GPT2: variants seen among roughly 807,000 people sequenced by gnomAD.
GPT2 encodes glutamic--pyruvic transaminase 2.
A neutral mutation model predicts 56.9 loss-of-function variants in GPT2; 30 were observed. The ratio of observed to expected loss-of-function variants is 0.53; its 90% CI spans 0.39 to 0.72. The LOEUF (loss-of-function observed/expected upper bound fraction) is 0.72, where lower values mean the gene tolerates loss of function less well. Among genes scored for constraint, GPT2 ranks in the 30% least tolerant of loss-of-function variants. The pLI is 0.00. For missense variants in GPT2, 542 were observed against 703.4 expected (o/e 0.77, Z 2.60); for synonymous variants, 271 against 283.1 (o/e 0.96, Z 0.43).
At chr16:46,902,357 T>A (rs1306743805) in intron 4 of GPT2, among the ~76,000 whole-genome samples, 1 of 152,146 alleles carries the variant, frequency 6.6e-6, no homozygotes, top group Non-Finnish European at 1.5e-5. Context: ...TGTACCCACC[T>A]CCTCGGCTTG....
chr16:46,903,241 C>T (rs1960855836), intron 4 of GPT2, among the ~76,000 whole-genome samples: 1 of 151,556 alleles, frequency 6.6e-6, no homozygotes, highest in Admixed American at 6.6e-5. Context: ...GAGAGTGAAA[C>T]TCTGTCCCCT....
chr16:46,925,151 G>A (rs950996772), intron 10 of GPT2, among the ~76,000 whole-genome samples: 1 of 151,996 alleles, frequency 6.6e-6, no homozygotes, highest in African/African-American at 2.4e-5. Context: ...GGCCTCAAGG[G>A]AACCTCCCAT....
chr16:46,909,323 T>G (rs1159248639), intron 5 of GPT2, among the ~76,000 whole-genome samples: 2 of 152,068 alleles, frequency 1.3e-5, no homozygotes, highest in Non-Finnish European at 2.9e-5. Context: ...ATTTTTAAAT[T>G]TTTAAGTAGG....
chr16:46,918,523 C>T, intron 7 of GPT2, 98 bp from the exon 8 acceptor site: 2 of 1,391,516 alleles, frequency 1.4e-6, no homozygotes, highest in South Asian at 2.6e-5. Flanking sequence ...GGCTGGGCCT[C>T]ATGGCCCACA....
chr16:46,914,824 C>T (rs573165561), intron 6 of GPT2, among the ~76,000 whole-genome samples: 180 of 152,288 alleles, frequency 1.2e-3, no homozygotes, highest in Non-Finnish European at 2.0e-3. Context: ...GTGGCCACAG[C>T]CAATGCGAGT....
intron 6 of GPT2, among the ~76,000 whole-genome samples, chr16:46,913,085 C>T (rs1252470950): frequency 1.3e-5 from 2 of 152,226 alleles, no homozygotes; most frequent in Non-Finnish European, 2.9e-5. Context: ...ATGACATTCC[C>T]TTCTCCTGCG....
Position 46,918,752 on chromosome 16 carries a change from G to A in GPT2, c.1032G>A (p.Met344Ile). 6.2e-7 allele frequency: 1 copy of A among 1,613,898 alleles called. No homozygotes were observed. The highest frequency in any genetic ancestry group is 8.5e-7 in the Non-Finnish European group (1 of 1,179,990). ...ASFHSTSKGY[M>I]GECGYRGGYM... is the part of the protein sequence containing the mutation. ...TCCACTCCACCTCCAAGGGCTACAT[G>A]GGCGAGTACGTGGGCCTCCCTTCCC... The change falls in exon 8 of 12, where the codon ATG (methionine) becomes ATA (isoleucine). Residue 344 changes from methionine to isoleucine, a missense_variant. Met to Ile is a conservative substitution (Grantham distance 10, BLOSUM62 1). Coordinates refer to ENST00000340124, the MANE Select transcript of GPT2 (RefSeq NM_133443.4).
intron 8 of GPT2, among the ~76,000 whole-genome samples, chr16:46,921,425 G>A (rs914289112): frequency 3.9e-5 from 6 of 152,010 alleles, no homozygotes; most frequent in Admixed American, 2.6e-4. Context: ...CGTCCACCTC[G>A]GCCTCCCAAA....
chr16:46,928,473 A>G (rs946577987), intron 11 of GPT2, among the ~76,000 whole-genome samples: 2 of 151,922 alleles, frequency 1.3e-5, no homozygotes, highest in Non-Finnish European at 2.9e-5. Flanking sequence ...AAATACAAAA[A>G]TTAGCTGGGC....
Position 46,929,593 on chromosome 16 carries a change from C to T in GPT2, c.*596C>T, listed in dbSNP as rs373189847. On this transcript the variant is annotated 3_prime_UTR_variant, in exon 12 of 12. Transcript: ENST00000340124. ...AGATGCTGGGGGCTGCGGCCACGGT[C>T]AGAGGGCCCCACTGTGAGGCGTGGG... The T allele has an allele frequency of 6.5e-6, 1 of 152,952 alleles. No individual in the cohort carries two copies. Among genetic ancestry groups the T allele is most frequent in the Non-Finnish European group, 1.5e-5 (1 of 68,588 alleles). 9.5% of individuals were successfully genotyped at this position (152,952 alleles called of 1,614,324 possible). A position where few individuals can be genotyped will look rare whatever the true frequency, so the allele number is the denominator to read the frequency against.
In GPT2 at chr16:46,916,588, C is replaced by T. The variant is rs568599371; in HGVS notation, c.821-40C>T. On this transcript the variant is annotated intron_variant, in intron 6 of 11. Transcript: ENST00000340124. ...TCTGACCTGGGGACAATTTAAACAG[C>T]ATTACAACCGACATTTTGGTTTTCT... 5.7e-5 allele frequency: 84 copies of T among 1,462,870 alleles called. 3 individuals are homozygous for T. The South Asian group carries it at 9.4e-4, about 16-fold the overall frequency. The allele number at this position is 1,462,870 out of a possible 1,614,324, so 90.6% of individuals were successfully genotyped here.
Position 46,926,984 on chromosome 16 carries a change from C to G in GPT2, c.1428C>G (p.Ile476Met), listed in dbSNP as rs746552435. ...TGAAGCTCCTGGAGGAGACTGGCATCTGTGTCGTGCCCGGCAGTGGCTTTG... is the reference window on the plus strand; with the variant it reads ...TGAAGCTCCTGGAGGAGACTGGCATGTGTGTCGTGCCCGGCAGTGGCTTTG... ...YCMKLLEETGICVVPGSGFGQ... is the reference protein window; with the variant it reads ...YCMKLLEETGMCVVPGSGFGQ... Residue 476 changes from isoleucine to methionine, a missense_variant, in exon 11 of 12, where the codon ATC becomes ATG. Physicochemically the swap from Ile to Met is conservative, Grantham distance 10. Transcript: ENST00000340124. 6.2e-7 allele frequency: 1 copy of G among 1,609,848 alleles called. No individual in the cohort carries two copies. The highest frequency in any genetic ancestry group is 2.2e-5 in the East Asian group (1 of 44,592).
chr16:46,899,482 T>C lies in GPT2; in HGVS notation c.334-1200T>C, dbSNP rs150324862. Among the ~76,000 whole-genome samples the C allele has an allele frequency of 9.9e-3, 1,498 of 151,680 alleles. 9 individuals carry two copies. Among genetic ancestry groups the C allele is most frequent in the Non-Finnish European group, 0.015 (1,023 of 67,856 alleles). ...GCTCAGCCCACAGCCCCTGAGGGAGTTGTCACAGGGCAGTGAGGGAGAGGA... is the reference window on the plus strand; with the variant it reads ...GCTCAGCCCACAGCCCCTGAGGGAGCTGTCACAGGGCAGTGAGGGAGAGGA... On this transcript the variant is annotated intron_variant, in intron 3 of 11. Coordinates refer to ENST00000340124, the MANE Select transcript of GPT2 (RefSeq NM_133443.4).
chr16:46,893,994 C>T (rs529149145), intron 2 of GPT2, among the ~76,000 whole-genome samples: 1 of 152,270 alleles, frequency 6.6e-6, no homozygotes, highest in Admixed American at 6.5e-5. Context: ...CTTGAGTTCC[C>T]GGATGCAGGA....
rs533509169 is a variant in GPT2 at position 46,902,975 on chromosome 16, G to C, written c.442+2185G>C. ...TTTAAAATTATTTCTTGGGCCGGGC[G>C]TGGTGGCTCACACCTGTAATCCCAG... On this transcript the variant is annotated intron_variant, in intron 4 of 11. Transcript: ENST00000340124. Among the ~76,000 whole-genome samples, 24 of 152,148 alleles carry C rather than the reference G, an allele frequency of 1.6e-4. 1 individual carries two copies. The South Asian group carries it at 5.0e-3, about 32-fold the overall frequency.
intron 2 of GPT2, among the ~76,000 whole-genome samples, chr16:46,891,052 T>C (rs919469962): frequency 6.6e-6 from 1 of 151,674 alleles, no homozygotes; most frequent in Non-Finnish European, 1.5e-5. Flanking sequence ...TTTGTATTTT[T>C]AGTAGAGATG....
At chr16:46,904,067 T>C (rs1238833737) in intron 4 of GPT2, among the ~76,000 whole-genome samples, 3 of 152,176 alleles carry the variant, frequency 2.0e-5, no homozygotes, top group Non-Finnish European at 2.9e-5. Flanking sequence ...GAAGGGGCCC[T>C]AGGGCAGTGG....
chr16:46,891,321 C>T (rs1253051759), intron 2 of GPT2, among the ~76,000 whole-genome samples: 1 of 152,190 alleles, frequency 6.6e-6, no homozygotes, highest in African/African-American at 2.4e-5. Flanking sequence ...TAGCTCACTG[C>T]AACCTCCGTC....
Position 46,930,484 on chromosome 16 carries a change from C to CT in GPT2, c.*1488dup, listed in dbSNP as rs1183290526. The CT allele has an allele frequency of 1.3e-5, 2 of 152,206 alleles. No individual in the cohort carries two copies. Among genetic ancestry groups the CT allele is most frequent in the African/African-American group, 4.8e-5 (2 of 41,442 alleles). 9.4% of individuals were successfully genotyped at this position (152,206 alleles called of 1,614,324 possible). A position where few individuals can be genotyped will look rare whatever the true frequency, so the allele number is the denominator to read the frequency against. On this transcript the variant is annotated 3_prime_UTR_variant, in exon 12 of 12. Transcript: ENST00000340124. ...CGGGTCCGTGCAGAGGAAACAGAAA[C>CT]TCCCAACTGTCCTTACCCACCGACA...
Sources: gnomAD v4.1 joint callset for allele counts (sites outside exome capture counted in the v4.1 genomes callset) on GRCh38, gnomAD v4.1.1 for gene constraint, MANE v1.5 for transcripts, NCBI Gene and HGNC (gene_info 2026-07-23, HGNC 2026-07-21) for gene names.